Variants in RGS7 observed in about 807,000 individuals in gnomAD.
RGS7 encodes the protein regulator of G protein signaling 7, also known as regulator of G-protein signaling 7.
A neutral mutation model predicts 81.1 loss-of-function variants in RGS7; 27 were observed. The ratio of observed to expected loss-of-function variants is 0.33; its 90% CI spans 0.25 to 0.46. The LOEUF (loss-of-function observed/expected upper bound fraction) is 0.46, where lower values mean the gene tolerates loss of function less well. Ranked by LOEUF, RGS7 falls within the 20% of genes least tolerant of loss-of-function variation. The pLI is 1.00. For synonymous variants in RGS7, 208 were observed against 207.7 expected (o/e 1.00, Z -0.01); for missense variants, 396 against 607.4 (o/e 0.65, Z 3.66).
chr1:241,138,155 G>A lies in RGS7; in HGVS notation c.79-39393C>T, dbSNP rs2067657085. 3.7e-5 allele frequency among the ~76,000 whole-genome samples: 5 copies of A among 133,996 alleles called. No homozygotes were observed. In the South Asian group the frequency reaches 1.2e-3, roughly 31 times the overall value. The allele number at this position is 133,996 out of a possible 152,430, so 87.9% of individuals were successfully genotyped here. A position where few individuals can be genotyped will look rare whatever the true frequency, so the allele number is the denominator to read the frequency against. On this transcript the variant is annotated intron_variant, in intron 2 of 18. Coordinates refer to ENST00000440928, the MANE Select transcript of RGS7 (RefSeq NM_001364886.1). ...CCACTGCACTCCAGCCTGGGTAACA[G>A]AGCAAGACTCCATCTCAAAAACAAA...
intron 9 of RGS7, among the ~76,000 whole-genome samples, chr1:240,840,170 C>T (rs1378369113): frequency 6.6e-6 from 1 of 152,182 alleles, no homozygotes; most frequent in African/African-American, 2.4e-5. Flanking sequence ...TTTTAAACTA[C>T]AGCGACATCA....
At chr1:241,060,167 A>C (rs1049694723) in intron 3 of RGS7, among the ~76,000 whole-genome samples, 2 of 152,180 alleles carry the variant, frequency 1.3e-5, no homozygotes, top group Non-Finnish European at 2.9e-5. Flanking sequence ...AATATATTGT[A>C]GTTACTTATA....
At chr1:240,794,460 G>C (rs1204696573) in intron 18 of RGS7, among the ~76,000 whole-genome samples, 2 of 152,212 alleles carry the variant, frequency 1.3e-5, no homozygotes, top group Admixed American at 6.5e-5. Context: ...AGGCCACCAG[G>C]TCAATTTTCT....
chr1:240,813,913 A>T (rs1431409454), intron 12 of RGS7, among the ~76,000 whole-genome samples, 185 bp from the exon 13 acceptor site: 1 of 152,216 alleles, frequency 6.6e-6, no homozygotes, highest in Admixed American at 6.5e-5. Flanking sequence ...TTCTTGGCAG[A>T]CAACTGTGGC....
chr1:241,309,723 C>A (rs2080393678), intron 2 of RGS7, among the ~76,000 whole-genome samples: 1 of 152,140 alleles, frequency 6.6e-6, no homozygotes, highest in African/African-American at 2.4e-5. Flanking sequence ...TAAAGGAGTC[C>A]TGGTTTACTG....
At chr1:241,284,982 T>C (rs2078724577) in intron 2 of RGS7, among the ~76,000 whole-genome samples, 2 of 152,176 alleles carry the variant, frequency 1.3e-5, no homozygotes, top group African/African-American at 4.8e-5. Flanking sequence ...ATCATTCTCC[T>C]GCCTCAGCCT....
chr1:241,183,866 G>C (rs2071855619), intron 2 of RGS7, among the ~76,000 whole-genome samples: 1 of 152,186 alleles, frequency 6.6e-6, no homozygotes, highest in African/African-American at 2.4e-5. Context: ...AAGGACATCA[G>C]AGAACCTGGC....
intron 4 of RGS7, among the ~76,000 whole-genome samples, chr1:240,958,038 C>T (rs1243922414): frequency 6.6e-6 from 1 of 152,120 alleles, no homozygotes; most frequent in Non-Finnish European, 1.5e-5. Flanking sequence ...GAAGAAGGCA[C>T]AAAAAGGCCC....
At position 241,283,394 on chromosome 1, in the gene RGS7, G is replaced by C. The variant is rs12036841; in HGVS notation, c.78+72305C>G. Among the ~76,000 whole-genome samples the C allele has an allele frequency of 1.1e-4, 16 of 152,192 alleles. No homozygotes were observed. The East Asian group carries it at 2.3e-3, about 22-fold the overall frequency. ...ATGTCTTGATTCCTCCTTCATTCCT[G>C]AATAATATTTTTGCTGGATATAGTG... On this transcript the variant is annotated intron_variant, in intron 2 of 18. Coordinates refer to ENST00000440928, the MANE Select transcript of RGS7 (RefSeq NM_001364886.1).
At chr1:240,857,921 C>T (rs1027457671) in intron 9 of RGS7, among the ~76,000 whole-genome samples, 2 of 152,094 alleles carry the variant, frequency 1.3e-5, no homozygotes, top group African/African-American at 2.4e-5. Context: ...GGGCTTCTCC[C>T]GCTTTGTTCT....
At chr1:241,196,768 A>G (rs2073106589) in intron 2 of RGS7, among the ~76,000 whole-genome samples, 1 of 152,068 alleles carries the variant, frequency 6.6e-6, no homozygotes, top group African/African-American at 2.4e-5. Flanking sequence ...ACATGAGAAC[A>G]TAAATTAGAG....
At chr1:240,933,351 A>T (rs1676034198) in intron 5 of RGS7, among the ~76,000 whole-genome samples, 1 of 152,100 alleles carries the variant, frequency 6.6e-6, no homozygotes, top group Admixed American at 6.5e-5. Context: ...TTTCCCACAA[A>T]AGCACAAAAA....
At chr1:241,003,864 T>G (rs1373894139) in intron 3 of RGS7, among the ~76,000 whole-genome samples, 1 of 152,178 alleles carries the variant, frequency 6.6e-6, no homozygotes. Flanking sequence ...TTCTCCTGCC[T>G]CAGCCTCCCA....
intron 3 of RGS7, among the ~76,000 whole-genome samples, chr1:241,065,256 A>C (rs1001031138): frequency 2.8e-5 from 4 of 142,414 alleles, no homozygotes; most frequent in Non-Finnish European, 6.0e-5. Context: ...ATATTAAAAG[A>C]TATATCTGTA....
Position 240,930,697 on chromosome 1 carries a change from T to C in RGS7, c.385+20A>G. On this transcript the variant is annotated intron_variant, in intron 6 of 18. Transcript: ENST00000440928. The stretch of plus-strand genomic sequence containing the variant: ...CACATACAGGCTGTCAATAATAAAA[T>C]AATGAGAGATGGCACTGACCATAAT... 1 of 1,610,964 alleles carries C rather than the reference T, an allele frequency of 6.2e-7. No individual in the cohort carries two copies. Among genetic ancestry groups the C allele is most frequent in the South Asian group, 1.1e-5 (1 of 91,018 alleles).
At chr1:241,248,551 G>A (rs1396308152) in intron 2 of RGS7, among the ~76,000 whole-genome samples, 6 of 151,572 alleles carry the variant, frequency 4.0e-5, no homozygotes, top group Non-Finnish European at 7.4e-5. Flanking sequence ...TCTGATCTTC[G>A]TTACTTTGTC....
chr1:240,968,187 A>C (rs892016969), intron 4 of RGS7, among the ~76,000 whole-genome samples: 3 of 152,162 alleles, frequency 2.0e-5, no homozygotes, highest in Non-Finnish European at 2.9e-5. Context: ...TCATGGATGA[A>C]CCCCAGCAGA....
intron 2 of RGS7, among the ~76,000 whole-genome samples, chr1:241,355,157 T>C (rs1247870872): frequency 6.6e-6 from 1 of 152,020 alleles, no homozygotes; most frequent in African/African-American, 2.4e-5. Flanking sequence ...ATACCCCAAG[T>C]CATAAAAGTA....
intron 4 of RGS7, among the ~76,000 whole-genome samples, chr1:240,981,186 T>G (rs555730897): frequency 1.1e-4 from 17 of 152,264 alleles, no homozygotes; most frequent in African/African-American, 3.8e-4. Flanking sequence ...TTTGGCTCAC[T>G]GCAACCTCCG....
Sources: allele counts gnomAD v4.1 joint callset (sites outside exome capture counted in the v4.1 genomes callset), GRCh38; gene constraint gnomAD v4.1.1; transcripts MANE v1.5; gene names NCBI Gene and HGNC (gene_info 2026-07-23, HGNC 2026-07-21).